SNTB2: variants seen among roughly 807,000 people sequenced by gnomAD.
SNTB2 encodes the protein beta-2-syntrophin.
Under a neutral mutation model 46.2 loss-of-function variants are expected in SNTB2, and 34 were observed. That is an observed-to-expected ratio of 0.74 (90% CI 0.56 to 0.98). The LOEUF (loss-of-function observed/expected upper bound fraction) is 0.98. Ranked by LOEUF, SNTB2 falls within the 50% of genes least tolerant of loss-of-function variation. The pLI, the probability that SNTB2 is intolerant of heterozygous loss-of-function variation, is 0.00. For missense variants in SNTB2, 603 were observed against 731.4 expected (o/e 0.82, Z 2.02); for synonymous variants, 290 against 312.6 (o/e 0.93, Z 0.76).
chr16:69,245,912 G>T, intron 2 of SNTB2, 97 bp downstream of exon 2: 2 of 1,222,704 alleles, frequency 1.6e-6, no homozygotes, highest in Non-Finnish European at 2.4e-6. Context: ...TTATACAGAG[G>T]AAAACATCTG....
intron 1 of SNTB2, among the ~76,000 whole-genome samples, chr16:69,242,951 G>A (rs1964632949): frequency 6.6e-6 from 1 of 151,332 alleles, no homozygotes; most frequent in African/African-American, 2.4e-5. Flanking sequence ...AACCCAGGAG[G>A]CAGAGTTTGC....
At chr16:69,281,324 C>A (rs775634774) in intron 4 of SNTB2, among the ~76,000 whole-genome samples, 12 of 151,790 alleles carry the variant, frequency 7.9e-5, no homozygotes, top group Admixed American at 2.6e-4. Context: ...CTCCGCCTCT[C>A]AGGTTCAAGC....
At chr16:69,300,726 G>T in intron 6 of SNTB2, 106 bp from the exon 7 acceptor site, 1 of 777,020 alleles carries the variant, frequency 1.3e-6, no homozygotes, top group Non-Finnish European at 2.3e-6. Context: ...AGTTTCCATA[G>T]CTCTGGCACA....
intron 5 of SNTB2, among the ~76,000 whole-genome samples, chr16:69,295,589 G>T (rs1965216061): frequency 6.6e-6 from 1 of 152,020 alleles, no homozygotes; most frequent in African/African-American, 2.4e-5. Context: ...AAATTGGAGT[G>T]CATAGTGGAC....
At chr16:69,297,306 C>CAAA (rs60543622) in intron 5 of SNTB2, among the ~76,000 whole-genome samples, 1 of 45,722 alleles carries the variant, frequency 2.2e-5, no homozygotes, top group Non-Finnish European at 3.6e-5. Flanking sequence ...GATTCTATCT[C>CAAA]AAAAAAAAAA....
Position 69,206,500 on chromosome 16 carries a change from T to C in SNTB2, c.580+18754T>C, listed in dbSNP as rs1248488752. On this transcript the variant is annotated intron_variant, in intron 1 of 6. Coordinates refer to ENST00000336278, the MANE Select transcript of SNTB2 (RefSeq NM_006750.4). ...GTGGATCGGGAGTTCGAGACCAGCC[T>C]GACCAACATGGAGAAACCCTATCTC... is the stretch of plus-strand genomic sequence containing the variant. Among the ~76,000 whole-genome samples, 3 of 152,014 alleles carry C rather than the reference T, an allele frequency of 2.0e-5. No homozygotes were observed. In the East Asian group the frequency reaches 5.9e-4, roughly 30 times the overall value.
intron 1 of SNTB2, among the ~76,000 whole-genome samples, chr16:69,233,587 G>T (rs1035041488): frequency 2.6e-5 from 4 of 152,064 alleles, no homozygotes; most frequent in Non-Finnish European, 5.9e-5. Flanking sequence ...TTAGGGGGGA[G>T]GAATTTGGCA....
intron 1 of SNTB2, among the ~76,000 whole-genome samples, chr16:69,211,536 G>GA (rs71254074): frequency 0.18 from 17,417 of 95,792 alleles, 1,239 homozygotes; most frequent in Middle Eastern, 0.28. Flanking sequence ...CATCTCAAGG[G>GA]AAAAAAAAAA....
intron 4 of SNTB2, 24 bp downstream of exon 4, chr16:69,270,309 AG>A (rs769974046): frequency 6.2e-7 from 1 of 1,613,550 alleles, no homozygotes; most frequent in South Asian, 1.1e-5. Flanking sequence ...AAGATAAGGA[AG>A]TAAAATATTT....
Position 69,308,591 on chromosome 16 carries a change from G to A in SNTB2, c.*7667G>A, listed in dbSNP as rs1965332376. ...TGTAGAAAACCACTACCTATTGAAG[G>A]CCTGTTTTGGCTAATCTGTGCAAAC... On this transcript the variant is annotated 3_prime_UTR_variant, in exon 7 of 7. Transcript: ENST00000336278. The A allele has an allele frequency of 6.6e-6, 1 of 152,104 alleles. No individual in the cohort carries two copies. The highest frequency in any genetic ancestry group is 1.5e-5 in the Non-Finnish European group (1 of 68,010). The allele number at this position is 152,104 out of a possible 1,614,324, so 9.4% of individuals were successfully genotyped here. A position where few individuals can be genotyped will look rare whatever the true frequency, so the allele number is the denominator to read the frequency against.
At chr16:69,192,429 A>C (rs548439822) in intron 1 of SNTB2, among the ~76,000 whole-genome samples, 1 of 152,306 alleles carries the variant, frequency 6.6e-6, no homozygotes, top group East Asian at 1.9e-4. Context: ...TAATTTGGAG[A>C]GTGTTACCCT....
At chr16:69,284,300 C>A in intron 5 of SNTB2, 56 bp downstream of exon 5, 2 of 1,414,686 alleles carry the variant, frequency 1.4e-6, no homozygotes, top group South Asian at 1.4e-5. Context: ...GTTATATAGT[C>A]ATGTGCTGCA....
At chr16:69,266,405 C>T (rs1241266949) in intron 3 of SNTB2, among the ~76,000 whole-genome samples, 9 of 151,930 alleles carry the variant, frequency 5.9e-5, no homozygotes, top group African/African-American at 2.2e-4. Context: ...AAAGTTAAGG[C>T]AAATAGGCAA....
intron 1 of SNTB2, among the ~76,000 whole-genome samples, chr16:69,200,108 G>GT (rs1309293493): frequency 6.6e-6 from 1 of 152,074 alleles, no homozygotes; most frequent in African/African-American, 2.4e-5. Flanking sequence ...TAGAGATGGG[G>GT]TTTCACCGTG....
intron 5 of SNTB2, among the ~76,000 whole-genome samples, chr16:69,291,993 G>A (rs997814079): frequency 6.6e-6 from 1 of 151,706 alleles, no homozygotes; most frequent in Admixed American, 6.6e-5. Context: ...GCCGAGGTGG[G>A]CGGATCATGA....
chr16:69,189,408 G>A (rs1433798818), intron 1 of SNTB2, among the ~76,000 whole-genome samples: 1 of 152,132 alleles, frequency 6.6e-6, no homozygotes, highest in Non-Finnish European at 1.5e-5. Flanking sequence ...GTAGTCCTCA[G>A]TTGTGATGGG....
chr16:69,223,862 C>G (rs921216024), intron 1 of SNTB2, among the ~76,000 whole-genome samples: 2 of 151,790 alleles, frequency 1.3e-5, no homozygotes, highest in Admixed American at 6.6e-5. Flanking sequence ...GATCTCCTGA[C>G]CTCGTGATCC....
chr16:69,245,499 C>T, intron 1 of SNTB2, 103 bp from the exon 2 acceptor site: 1 of 1,187,258 alleles, frequency 8.4e-7, no homozygotes, highest in Non-Finnish European at 1.2e-6. Flanking sequence ...CCAGCTCTTT[C>T]CTCCACTTTG....
chr16:69,264,079 A>G (rs570493807), intron 3 of SNTB2, among the ~76,000 whole-genome samples: 151 of 152,222 alleles, frequency 9.9e-4, no homozygotes, highest in Non-Finnish European at 1.5e-3. Flanking sequence ...TACAGGCATG[A>G]GCCACTGTAC....
Sources: gnomAD v4.1 joint callset for allele counts (sites outside exome capture counted in the v4.1 genomes callset) on GRCh38, gnomAD v4.1.1 for gene constraint, MANE v1.5 for transcripts, NCBI Gene and HGNC (gene_info 2026-07-23, HGNC 2026-07-21) for gene names.